RPRD2: variants seen among roughly 807,000 people sequenced by gnomAD.
RPRD2 encodes regulation of nuclear pre-mRNA domain containing 2, also known as regulation of nuclear pre-mRNA domain-containing protein 2.
Under a neutral mutation model 104.4 loss-of-function variants are expected in RPRD2, and 12 were observed. The observed-to-expected ratio is 0.11, with a 90% confidence interval of 0.07 to 0.19. The LOEUF (loss-of-function observed/expected upper bound fraction) is 0.19. Among genes scored for constraint, RPRD2 ranks in the 10% least tolerant of loss-of-function variants. RPRD2 has a pLI of 1.00. For missense variants in RPRD2, 1,543 were observed against 1,790.1 expected, an observed-to-expected ratio of 0.86 and a Z score of 2.49; for synonymous variants, 714 against 684.9, an observed-to-expected ratio of 1.04 and a Z score of -0.66.
At chr1:150,372,068 C>T (rs1221376165) in intron 1 of RPRD2, among the ~76,000 whole-genome samples, 3 of 152,076 alleles carry the variant, frequency 2.0e-5, no homozygotes, top group Admixed American at 1.3e-4. Context: ...ATGTAAGGTT[C>T]ATTTAGATTG....
intron 1 of RPRD2, among the ~76,000 whole-genome samples, chr1:150,374,159 T>C (rs1292174263): frequency 1.3e-5 from 2 of 152,142 alleles, no homozygotes; most frequent in African/African-American, 4.8e-5. Flanking sequence ...GCTGAAGGGG[T>C]AAACTGAACA....
chr1:150,388,108 G>A (rs1241772756), intron 1 of RPRD2, among the ~76,000 whole-genome samples: 1 of 151,264 alleles, frequency 6.6e-6, no homozygotes, highest in African/African-American at 2.4e-5. Context: ...TGTAGAGACG[G>A]GGTCTCACTA....
At position 150,472,408 on chromosome 1, in the gene RPRD2, G is replaced by A; in HGVS notation, c.3460G>A (p.Gly1154Arg). ...SASELASLGG[G>R]GSGGLTGFKT... is the part of the protein sequence containing the mutation. ...CTCTGAGTTGGCATCCCTTGGGGGTGGGGGCAGCGGAGGCCTCACTGGCTT... is the reference window on the plus strand; with the variant it reads ...CTCTGAGTTGGCATCCCTTGGGGGTAGGGGCAGCGGAGGCCTCACTGGCTT... The change falls in exon 11 of 11, where the codon GGG (glycine) becomes AGG (arginine). Residue 1154 changes from glycine to arginine, a missense_variant. Physicochemically the swap from Gly to Arg is moderately radical, Grantham distance 125. This residue lies in a region of RPRD2 where 880 missense variants were observed against 885.6 expected (regional missense o/e 0.99). Coordinates refer to ENST00000369068, the MANE Select transcript of RPRD2 (RefSeq NM_015203.5). The A allele has an allele frequency of 6.2e-7, 1 of 1,613,966 alleles. No individual in the cohort carries two copies. The highest frequency in any genetic ancestry group is 8.5e-7 in the Non-Finnish European group (1 of 1,179,870).
At chr1:150,382,132 T>A (rs1156897947) in intron 1 of RPRD2, among the ~76,000 whole-genome samples, 1 of 152,214 alleles carries the variant, frequency 6.6e-6, no homozygotes, top group Non-Finnish European at 1.5e-5. Flanking sequence ...CATAAGCTTT[T>A]TAAATTCTTC....
At chr1:150,412,086 G>A (rs1553887804) in intron 1 of RPRD2, among the ~76,000 whole-genome samples, 1 of 152,054 alleles carries the variant, frequency 6.6e-6, no homozygotes, top group Admixed American at 6.6e-5. Flanking sequence ...TCACACCACC[G>A]CACTCTGGCC....
At position 150,416,140 on chromosome 1, in the gene RPRD2, G is replaced by T. The variant is rs587746677; in HGVS notation, c.206-1456G>T. 5.9e-5 allele frequency among the ~76,000 whole-genome samples: 9 copies of T among 152,314 alleles called. No individual in the cohort carries two copies. In the South Asian group the frequency reaches 1.9e-3, roughly 32 times the overall value. On this transcript the variant is annotated intron_variant, in intron 1 of 10. Transcript: ENST00000369068. ...CAGAAATAAAGGTGCAGTAAATGCA[G>T]TTAGTTAGATTGATCCAAATTTGGG...
intron 1 of RPRD2, among the ~76,000 whole-genome samples, chr1:150,388,092 T>A (rs587658324): frequency 6.6e-6 from 1 of 151,598 alleles, no homozygotes; most frequent in African/African-American, 2.4e-5. Flanking sequence ...AATTTTTGTA[T>A]TTTTTTGTAG....
At chr1:150,446,939 G>T (rs587635714) in intron 7 of RPRD2, among the ~76,000 whole-genome samples, 5 of 149,932 alleles carry the variant, frequency 3.3e-5, no homozygotes, top group African/African-American at 1.2e-4. Context: ...GGGTTCAAGC[G>T]ATTCTCCTGC....
chr1:150,388,920 A>C (rs1553882711), intron 1 of RPRD2, among the ~76,000 whole-genome samples: 1 of 152,066 alleles, frequency 6.6e-6, no homozygotes, highest in East Asian at 1.9e-4. Context: ...GTAATTATTA[A>C]GAGTCCATAT....
intron 3 of RPRD2, 140 bp from the exon 4 acceptor site, chr1:150,441,741 A>G (rs932980297): frequency 5.6e-6 from 3 of 533,846 alleles, no homozygotes; most frequent in African/African-American, 2.0e-5. Context: ...CTATTTTTTC[A>G]TAAAAATGAA....
chr1:150,409,896 T>C (rs1663772749), intron 1 of RPRD2, among the ~76,000 whole-genome samples: 1 of 152,128 alleles, frequency 6.6e-6, no homozygotes. Flanking sequence ...CCACCCATCT[T>C]GGCCTCCCAA....
At chr1:150,432,517 TAGTG>T (rs1665675679) in intron 2 of RPRD2, among the ~76,000 whole-genome samples, 1 of 151,648 alleles carries the variant, frequency 6.6e-6, no homozygotes, top group South Asian at 2.1e-4. Flanking sequence ...TTGGAAATAG[TAGTG>T]AGAATTGCAC....
chr1:150,397,861 C>T (rs1214373942), intron 1 of RPRD2, among the ~76,000 whole-genome samples: 2 of 152,074 alleles, frequency 1.3e-5, no homozygotes, highest in African/African-American at 4.8e-5. Context: ...ATTCTCCTGC[C>T]TCAGTCAGCC....
intron 1 of RPRD2, among the ~76,000 whole-genome samples, chr1:150,365,677 C>T (rs936296189): frequency 3.3e-5 from 5 of 152,116 alleles, no homozygotes; most frequent in African/African-American, 4.8e-5. Flanking sequence ...GCAACCTCCA[C>T]CTCCCGGGTT....
Position 150,368,324 on chromosome 1 carries a change from G to A in RPRD2, c.205+3405G>A, listed in dbSNP as rs138985855. ...TTTAATTTTTTTGAGATGGAATTTC[G>A]CTTTGTCGTCCAGTCTGGAGTGCGG... On this transcript the variant is annotated intron_variant, in intron 1 of 10. Coordinates refer to ENST00000369068, the MANE Select transcript of RPRD2 (RefSeq NM_015203.5). Among the ~76,000 whole-genome samples, 19 of 146,736 alleles carry A rather than the reference G, an allele frequency of 1.3e-4. No individual in the cohort carries two copies. In the East Asian group the frequency reaches 3.4e-3, roughly 26 times the overall value.
At chr1:150,399,209 G>A (rs1206617654) in intron 1 of RPRD2, among the ~76,000 whole-genome samples, 5 of 151,938 alleles carry the variant, frequency 3.3e-5, no homozygotes, top group Non-Finnish European at 5.9e-5. Context: ...TTCCTATGTT[G>A]CCTAGGCTGG....
chr1:150,436,131 A>G (rs902587159), intron 2 of RPRD2, among the ~76,000 whole-genome samples: 12 of 116,440 alleles, frequency 1.0e-4, no homozygotes, highest in Non-Finnish European at 1.8e-4. Flanking sequence ...TTGTTCAGGG[A>G]AAAAAAAAAA....
chr1:150,443,041 G>A (rs587709224), intron 4 of RPRD2, among the ~76,000 whole-genome samples, 190 bp from the exon 5 acceptor site: 4 of 151,996 alleles, frequency 2.6e-5, no homozygotes, highest in South Asian at 2.1e-4. Flanking sequence ...TCTAAATAGC[G>A]TATTTTTACA....
intron 7 of RPRD2, among the ~76,000 whole-genome samples, chr1:150,453,553 G>A (rs1572508323): frequency 2.6e-5 from 4 of 152,252 alleles, no homozygotes; most frequent in Middle Eastern, 3.4e-3. Context: ...TGCTCACAGA[G>A]GAAGGGAAAG....
Sources: allele counts gnomAD v4.1 joint callset (sites outside exome capture counted in the v4.1 genomes callset), GRCh38; gene constraint gnomAD v4.1.1; regional missense constraint gnomAD v4.1.1; transcripts MANE v1.5; gene names NCBI Gene and HGNC (gene_info 2026-07-23, HGNC 2026-07-21).